Variants in UBIAD1 observed in about 807,000 individuals in gnomAD.
UBIAD1 encodes ubiA prenyltransferase domain-containing protein 1.
A neutral mutation model predicts 20.1 loss-of-function variants in UBIAD1; 12 were observed. That is an observed-to-expected ratio of 0.60 (90% CI 0.38 to 0.97). The LOEUF is 0.97. Ranked by LOEUF, UBIAD1 falls within the 50% of genes least tolerant of loss-of-function variation. The pLI, the probability that UBIAD1 is intolerant of heterozygous loss-of-function variation, is 0.00. For missense variants in UBIAD1, 333 were observed against 419.5 expected, an observed-to-expected ratio of 0.79 and a Z score of 1.80; for synonymous variants, 207 against 189.2, an observed-to-expected ratio of 1.09 and a Z score of -0.77.
intron 1 of UBIAD1, chr1:11,279,234 C>G (rs1438888182): frequency 4.3e-6 from 1 of 231,334 alleles, no homozygotes; most frequent in Non-Finnish European, 9.4e-6. Context: ...AATGTCATAT[C>G]TTCATCATCT....
downstream of UBIAD1, among the ~76,000 whole-genome samples, chr1:11,289,051 GAACATGAGGTAGAT>G (rs1438281826): frequency 2.0e-5 from 3 of 152,222 alleles, no homozygotes; most frequent in African/African-American, 7.2e-5. Context: ...GCTAGATGGA[GAACATGAGGTAGAT>G]TGAGTACATG....
chr1:11,274,119 G>A (rs1331723772), intron 1 of UBIAD1, 59 bp downstream of exon 1: 11 of 1,602,000 alleles, frequency 6.9e-6, no homozygotes, highest in Middle Eastern at 1.7e-4. Context: ...GGAAACCGCT[G>A]CTTTGTAAAG....
At chr1:11,289,769 C>T (rs574632208), downstream of UBIAD1, among the ~76,000 whole-genome samples, 4 of 152,070 alleles carry the variant, frequency 2.6e-5, no homozygotes, top group South Asian at 2.1e-4. Flanking sequence ...CTCACTCTGT[C>T]GCACGGGCTA....
chr1:11,292,668 T>TATACACACACAC (rs1223161585), downstream of UBIAD1, among the ~76,000 whole-genome samples: 30 of 140,738 alleles, frequency 2.1e-4, no homozygotes, highest in East Asian at 2.6e-3. Flanking sequence ...ATTTTATGTA[T>TATACACACACAC]ACACACACAC....
chr1:11,273,416 TG>T lies in UBIAD1; in HGVS notation c.-112del. On this transcript the variant is annotated 5_prime_UTR_variant, in exon 1 of 2. Coordinates refer to ENST00000376810, the MANE Select transcript of UBIAD1 (RefSeq NM_013319.3). The surrounding 1 kb of genome is among the most constrained non-coding windows in gnomAD (Gnocchi z 4.9). ...CCTTGCCGCCACACCAGCCCTGTCC[TG>T]GGGCGGAACCGAAGGAAGGTCGGGC... 7.3e-7 allele frequency: 1 copy of T among 1,361,988 alleles called. No individual in the cohort carries two copies. 84.4% of individuals were successfully genotyped at this position (1,361,988 alleles called of 1,614,324 possible).
rs74383850 is a variant in UBIAD1, at chr1:11,276,862, T to C, written c.529+2802T>C. Among the ~76,000 whole-genome samples the C allele has an allele frequency of 1.3e-4, 20 of 152,270 alleles. No individual in the cohort carries two copies. In the East Asian group the frequency reaches 3.9e-3, roughly 29 times the overall value. On this transcript the variant is annotated intron_variant, in intron 1 of 1. Coordinates refer to ENST00000376810, the MANE Select transcript of UBIAD1 (RefSeq NM_013319.3). ...ATTCATCAACTCCCCCCCAACATTT[T>C]TTATTATAAGATAGGTATCAAAACA...
rs539709656 is a variant in UBIAD1 at position 11,273,386 on chromosome 1, C to T, written c.-146C>T. 1 of 1,014,408 alleles carries T rather than the reference C, an allele frequency of 9.9e-7. No individual in the cohort carries two copies. The highest frequency in any genetic ancestry group is 2.1e-5 in the Admixed American group (1 of 46,564). 62.8% of individuals were successfully genotyped at this position (1,014,408 alleles called of 1,614,324 possible). On this transcript the variant is annotated 5_prime_UTR_variant, in exon 1 of 2. Coordinates refer to ENST00000376810, the MANE Select transcript of UBIAD1 (RefSeq NM_013319.3). The surrounding 1 kb of genome is among the most constrained non-coding windows in gnomAD (Gnocchi z 4.9). Reference sequence around the variant, plus strand: ...GTGTAAGACCCACTTGCTGTTGCCCCCGGACCTTGCCGCCACACCAGCCCT... The same window carrying T: ...GTGTAAGACCCACTTGCTGTTGCCCTCGGACCTTGCCGCCACACCAGCCCT...
downstream of UBIAD1, among the ~76,000 whole-genome samples, chr1:11,292,370 G>A (rs1446224673): frequency 6.6e-6 from 1 of 152,124 alleles, no homozygotes; most frequent in Non-Finnish European, 1.5e-5. Flanking sequence ...GTCTCAGTTG[G>A]GGGTGAGTTC....
At chr1:11,275,714 G>T (rs1458396776) in intron 1 of UBIAD1, among the ~76,000 whole-genome samples, 1 of 152,162 alleles carries the variant, frequency 6.6e-6, no homozygotes, top group African/African-American at 2.4e-5. Context: ...CTGCACTCCA[G>T]CCTGGGCGAC....
At chr1:11,293,508 G>A (rs958980410) in intron 1 of UBIAD1, 2 of 152,262 alleles carry the variant, frequency 1.3e-5, no homozygotes, top group Non-Finnish European at 2.9e-5. Context: ...AACAGAGCAG[G>A]CAGTCAGTAA....
intron 1 of UBIAD1, among the ~76,000 whole-genome samples, chr1:11,277,554 G>A (rs567350886): frequency 1.3e-5 from 2 of 152,048 alleles, no homozygotes; most frequent in East Asian, 1.9e-4. Context: ...GATTACAGGC[G>A]TGAGCCACTA....
chr1:11,286,661 T>C lies in UBIAD1; in HGVS notation c.*530T>C, dbSNP rs1342390548. 1 of 171,836 alleles carries C rather than the reference T, an allele frequency of 5.8e-6. No homozygotes were observed. The highest frequency in any genetic ancestry group is 5.5e-5 in the Admixed American group (1 of 18,138). 10.6% of individuals were successfully genotyped at this position (171,836 alleles called of 1,614,324 possible). A position where few individuals can be genotyped will look rare whatever the true frequency, so the allele number is the denominator to read the frequency against. On this transcript the variant is annotated 3_prime_UTR_variant, in exon 2 of 2. Coordinates refer to ENST00000376810, the MANE Select transcript of UBIAD1 (RefSeq NM_013319.3). ...GATACGCTGCCTGAGACAGAGAGAG[T>C]CCCTCATTAACAGCCTGTGTGGCTG...
At chr1:11,278,563 CA>C in intron 1 of UBIAD1, 1 of 1,131,822 alleles carries the variant, frequency 8.8e-7, no homozygotes, top group Non-Finnish European at 1.2e-6. Context: ...AAGACATTAA[CA>C]CGAGTAGAAG....
At chr1:11,294,724 G>C (rs774919737) in intron 1 of UBIAD1, 257 of 696,546 alleles carry the variant, frequency 3.7e-4, no homozygotes, top group Non-Finnish European at 5.6e-4. Context: ...CTGGCTGGGC[G>C]AAAGTTACAA....
exon 2 of UBIAD1, chr1:11,294,958 T>C (rs1186830829): frequency 2.8e-6 from 2 of 717,324 alleles, no homozygotes; most frequent in East Asian, 5.4e-5. Context: ...ACCTGCCTTC[T>C]AGACCTGCCT....
chr1:11,284,734 G>C (rs1186840096), intron 1 of UBIAD1, among the ~76,000 whole-genome samples: 1 of 152,192 alleles, frequency 6.6e-6, no homozygotes, highest in Non-Finnish European at 1.5e-5. Context: ...AGAGTGCTGG[G>C]ATTACAGGTG....
At chr1:11,281,664 C>A (rs1317836753) in intron 1 of UBIAD1, among the ~76,000 whole-genome samples, 7 of 152,180 alleles carry the variant, frequency 4.6e-5, no homozygotes, top group Non-Finnish European at 8.8e-5. Context: ...ACCCCGTCAT[C>A]ATCCAGAACA....
In UBIAD1 at chr1:11,285,999, C is replaced by T. The variant is rs1638256996; in HGVS notation, c.885C>T (p.Ser295=). ...LPLLTIPMAF[S]LERQFRSQAF... ...TGCTTACCATTCCCATGGCCTTCTC[C>T]CTTGAGAGACAGTTTCGAAGCCAGG... Residue 295 remains serine (S), a synonymous_variant, in exon 2 of 2, where the codon TCC becomes TCT. Coordinates refer to ENST00000376810, the MANE Select transcript of UBIAD1 (RefSeq NM_013319.3). This position sits in a 1 kb window ranked among gnomAD's most constrained non-coding sequence, Gnocchi z 4.4. The T allele has an allele frequency of 6.2e-7, 1 of 1,614,234 alleles. No individual in the cohort carries two copies. Among genetic ancestry groups the T allele is most frequent in the Non-Finnish European group, 8.5e-7 (1 of 1,180,044 alleles).
intron 1 of UBIAD1, among the ~76,000 whole-genome samples, chr1:11,283,301 C>T (rs1390734689): frequency 2.6e-5 from 4 of 152,138 alleles, no homozygotes; most frequent in African/African-American, 9.7e-5. Context: ...ACAAGCACAG[C>T]AAGAGTGGGC....
Sources: gnomAD v4.1 joint callset for allele counts (sites outside exome capture counted in the v4.1 genomes callset) on GRCh38, gnomAD v4.1.1 for gene constraint, Gnocchi (gnomAD v3.1) non-coding constraint, MANE v1.5 for transcripts, NCBI Gene and HGNC (gene_info 2026-07-23, HGNC 2026-07-21) for gene names.